CYB5A: variants seen among roughly 807,000 people sequenced by gnomAD.
CYB5A encodes cytochrome b5 type A, also known as cytochrome b5.
A neutral mutation model predicts 16.2 loss-of-function variants in CYB5A; 10 were observed. That is an observed-to-expected ratio of 0.62 (90% CI 0.38 to 1.04). The LOEUF is 1.04. Ranked by LOEUF, CYB5A falls within the 50% of genes least tolerant of loss-of-function variation. The pLI, the probability that CYB5A is intolerant of heterozygous loss-of-function variation, is 0.01. For synonymous variants in CYB5A, 62 were observed against 57.0 expected (o/e 1.09, Z -0.40); for missense variants, 161 against 165.9 (o/e 0.97, Z 0.16).
Position 74,253,041 on chromosome 18 carries a change from TATTA to T in CYB5A, c.*539_*542del, listed in dbSNP as rs1342764118. 10 of 158,374 alleles carry T rather than the reference TATTA, an allele frequency of 6.3e-5. No individual in the cohort carries two copies. Among genetic ancestry groups the T allele is most frequent in the African/African-American group, 2.2e-4 (9 of 41,478 alleles). The allele number at this position is 158,374 out of a possible 1,614,324, so 9.8% of individuals were successfully genotyped here. ...TAAGATCTATTTCAAGTAGGACAAT[TATTA>T]GAAATCCTTAAACTATAATTTCTGG... is the stretch of plus-strand genomic sequence containing the variant. On this transcript the variant is annotated 3_prime_UTR_variant, in exon 5 of 5. Coordinates refer to ENST00000340533, the MANE Select transcript of CYB5A (RefSeq NM_148923.4).
At chr18:74,271,758 T>A (rs547960583) in intron 1 of CYB5A, among the ~76,000 whole-genome samples, 1 of 152,346 alleles carries the variant, frequency 6.6e-6, no homozygotes, top group African/African-American at 2.4e-5. Context: ...AGTTACCTTG[T>A]GTGCAAACTA....
At chr18:74,277,687 A>AG (rs1982933939) in intron 1 of CYB5A, among the ~76,000 whole-genome samples, 1 of 152,192 alleles carries the variant, frequency 6.6e-6, no homozygotes, top group African/African-American at 2.4e-5. Context: ...AAGGCCCAGG[A>AG]GGGGTCACTC....
At chr18:74,285,662 G>A (rs1035607949) in intron 1 of CYB5A, among the ~76,000 whole-genome samples, 1 of 151,882 alleles carries the variant, frequency 6.6e-6, no homozygotes, top group Non-Finnish European at 1.5e-5. Context: ...CTAGGAGTTC[G>A]AGACCAGCCT....
Position 74,283,069 on chromosome 18 carries a change from G to A in CYB5A, c.129+8678C>T, listed in dbSNP as rs537002289. Among the ~76,000 whole-genome samples the A allele has an allele frequency of 1.2e-4, 18 of 152,212 alleles. No individual in the cohort carries two copies. The South Asian group carries it at 2.7e-3, about 23-fold the overall frequency. On this transcript the variant is annotated intron_variant, in intron 1 of 4. Transcript: ENST00000340533. The stretch of plus-strand genomic sequence containing the variant: ...GACTGCCCAGTGGCCACCATGAGAG[G>A]TGGCAAAGATACAAGAGAGGCCACA...
At chr18:74,258,850 ACAT>A (rs1225237527) in intron 3 of CYB5A, 1 of 152,220 alleles carries the variant, frequency 6.6e-6, no homozygotes, top group African/African-American at 2.4e-5. Context: ...GAGAGTAAAA[ACAT>A]CTACTTTAGG....
At chr18:74,283,471 A>G (rs915009959) in intron 1 of CYB5A, among the ~76,000 whole-genome samples, 6 of 152,182 alleles carry the variant, frequency 3.9e-5, no homozygotes, top group African/African-American at 1.4e-4. Flanking sequence ...AAATTCCTCT[A>G]CAAGAAACAG....
At chr18:74,279,288 G>A (rs1599262958) in intron 1 of CYB5A, among the ~76,000 whole-genome samples, 1 of 152,256 alleles carries the variant, frequency 6.6e-6, no homozygotes, top group Non-Finnish European at 1.5e-5. Context: ...AGCACTCTGG[G>A]AGGCCAAGGC....
chr18:74,285,032 T>C (rs1314663157), intron 1 of CYB5A, among the ~76,000 whole-genome samples: 2 of 152,182 alleles, frequency 1.3e-5, no homozygotes, highest in Admixed American at 6.5e-5. Context: ...CTCAAGACTA[T>C]GTTCCCAAGA....
intron 1 of CYB5A, among the ~76,000 whole-genome samples, chr18:74,269,824 T>A (rs1448513089): frequency 5.3e-5 from 8 of 152,066 alleles, no homozygotes; most frequent in Non-Finnish European, 1.0e-4. Context: ...TGGTCTCCCA[T>A]CCTCCCTAGC....
chr18:74,289,657 T>A (rs1388635443), intron 1 of CYB5A, among the ~76,000 whole-genome samples: 3 of 151,704 alleles, frequency 2.0e-5, no homozygotes, highest in Admixed American at 6.6e-5. Flanking sequence ...GCGCCTGTAA[T>A]CCCAGCTACT....
chr18:74,276,561 C>CAT, intron 1 of CYB5A, among the ~76,000 whole-genome samples: 1 of 151,152 alleles, frequency 6.6e-6, no homozygotes, highest in East Asian at 1.9e-4. Context: ...CACACACACA[C>CAT]ACCCTTCTGT....
Position 74,256,990 on chromosome 18 carries a change from T to C in CYB5A, c.289-1215A>G, listed in dbSNP as rs986135180. The stretch of plus-strand genomic sequence containing the variant: ...GCAAGAGGATTTTCCAAATTGTGTA[T>C]ATATGAATAAAATTAACAAAAATTA... On this transcript the variant is annotated intron_variant, in intron 3 of 4. Coordinates refer to ENST00000340533, the MANE Select transcript of CYB5A (RefSeq NM_148923.4). 36 of 694,338 alleles carry C rather than the reference T, an allele frequency of 5.2e-5. No individual in the cohort carries two copies. In the South Asian group the frequency reaches 5.4e-4, roughly 10 times the overall value. 43.0% of individuals were successfully genotyped at this position (694,338 alleles called of 1,614,324 possible).
intron 1 of CYB5A, among the ~76,000 whole-genome samples, chr18:74,287,223 G>A (rs1253809776): frequency 6.6e-6 from 1 of 152,002 alleles, no homozygotes; most frequent in East Asian, 1.9e-4. Flanking sequence ...TGCATCAAAG[G>A]CATATTTGCC....
rs150852800 is a variant in CYB5A, at chr18:74,286,250, C to T, written c.129+5497G>A. 9.8e-5 allele frequency among the ~76,000 whole-genome samples: 15 copies of T among 152,336 alleles called. No individual in the cohort carries two copies. The East Asian group carries it at 2.9e-3, about 29-fold the overall frequency. On this transcript the variant is annotated intron_variant, in intron 1 of 4. Transcript: ENST00000340533. ...ACACTGTCCACTTCCTTAACATGAT[C>T]ATGTATTATTTTCCCCTTACACAAT...
intron 3 of CYB5A, chr18:74,260,663 A>G: frequency 1.8e-6 from 1 of 561,168 alleles, no homozygotes. Flanking sequence ...CAAATGGTAT[A>G]TATTGATAAT....
At chr18:74,256,736 A>C (rs1169026296) in intron 3 of CYB5A, 1 of 1,135,698 alleles carries the variant, frequency 8.8e-7, no homozygotes, top group Non-Finnish European at 1.3e-6. Flanking sequence ...CAGTAAGGCA[A>C]GCATCACTCT....
intron 1 of CYB5A, among the ~76,000 whole-genome samples, chr18:74,287,845 G>A (rs1044521168): frequency 2.6e-5 from 4 of 152,102 alleles, no homozygotes; most frequent in African/African-American, 9.7e-5. Flanking sequence ...AAACTGAATA[G>A]ATGCTGCTGC....
chr18:74,256,812 G>T, intron 3 of CYB5A: 5 of 1,613,054 alleles, frequency 3.1e-6, no homozygotes, highest in Non-Finnish European at 4.2e-6. Flanking sequence ...AAGCAAAGCA[G>T]TTATGAGACC....
At chr18:74,254,774 C>T (rs1247316406) in intron 4 of CYB5A, among the ~76,000 whole-genome samples, 5 of 152,162 alleles carry the variant, frequency 3.3e-5, no homozygotes, top group Non-Finnish European at 7.3e-5. Flanking sequence ...CCTGCCTCGG[C>T]CTCCCAAAGT....
Sources: allele counts gnomAD v4.1 joint callset (sites outside exome capture counted in the v4.1 genomes callset), GRCh38; gene constraint gnomAD v4.1.1; transcripts MANE v1.5; gene names NCBI Gene and HGNC (gene_info 2026-07-23, HGNC 2026-07-21).